PCDHGA8: variants seen among roughly 807,000 people sequenced by gnomAD.
The protein encoded by PCDHGA8 is protocadherin gamma-A8.
PCDHGA8 carries 45 observed loss-of-function variants against 59.2 expected under a neutral mutation model. The observed-to-expected ratio is 0.76, with a 90% CI of 0.60 to 0.98. The LOEUF is 0.98. Among genes scored for constraint, PCDHGA8 ranks in the 50% least tolerant of loss-of-function variants. The pLI is 0.00. For synonymous variants in PCDHGA8, 531 were observed against 519.0 expected, an observed-to-expected ratio of 1.02 and a Z score of -0.32; for missense variants, 1,257 against 1,196.2, an observed-to-expected ratio of 1.05 and a Z score of -0.75.
At position 141,490,108 on chromosome 5, in the gene PCDHGA8, C is replaced by T. The variant is rs566655929; in HGVS notation, c.2425-4699C>T. 1.4e-5 allele frequency: 22 copies of T among 1,614,244 alleles called. No individual in the cohort carries two copies. Among genetic ancestry groups the T allele is most frequent in the South Asian group, 5.5e-5 (5 of 91,090 alleles). The stretch of plus-strand genomic sequence containing the variant: ...TGGAGACCACACATCTGAGGCAGTG[C>T]GGAACCTCTTTGGCCTAGACCCTAG... On this transcript the variant is annotated intron_variant, in intron 1 of 3. Coordinates refer to ENST00000398604, the MANE Select transcript of PCDHGA8 (RefSeq NM_032088.2). This position sits in a 1 kb window ranked among gnomAD's most constrained non-coding sequence, Gnocchi z 5.4.
intron 1 of PCDHGA8, chr5:141,417,121 G>C (rs2096086482): frequency 6.6e-6 from 1 of 152,110 alleles, no homozygotes; most frequent in Non-Finnish European, 1.5e-5. Context: ...GGACACCCTG[G>C]ATGATGGTAA....
intron 1 of PCDHGA8, chr5:141,398,921 C>A: frequency 6.2e-7 from 1 of 1,613,962 alleles, no homozygotes; most frequent in African/African-American, 1.3e-5. Flanking sequence ...TTGCAAGTGT[C>A]AGCCACTGAC....
At chr5:141,419,972 C>T (rs534128024) in intron 1 of PCDHGA8, 3 of 1,613,948 alleles carry the variant, frequency 1.9e-6, no homozygotes, top group South Asian at 1.1e-5. Flanking sequence ...GCTCTTTCTC[C>T]TCGCGGTGAT....
chr5:141,410,781 T>C, intron 1 of PCDHGA8: 2 of 937,378 alleles, frequency 2.1e-6, no homozygotes, highest in Non-Finnish European at 1.5e-6. Flanking sequence ...TCACTATGTA[T>C]TTGGTTCATA....
rs953428261 is a variant in PCDHGA8, at chr5:141,430,262, T to C, written c.2424+35025T>C. On this transcript the variant is annotated intron_variant, in intron 1 of 3. Coordinates refer to ENST00000398604, the MANE Select transcript of PCDHGA8 (RefSeq NM_032088.2). ...AACTCCTAGGGAGACATCTCCATAA[T>C]AGGTGTGTTGGGGGAACAGTAATCT... Among the ~76,000 whole-genome samples the C allele has an allele frequency of 2.6e-5, 4 of 151,892 alleles. No homozygotes were observed. The East Asian group carries it at 5.8e-4, about 22-fold the overall frequency.
Position 141,491,795 on chromosome 5 carries a change from C to T in PCDHGA8, c.2425-3012C>T. On this transcript the variant is annotated intron_variant, in intron 1 of 3. Coordinates refer to ENST00000398604, the MANE Select transcript of PCDHGA8 (RefSeq NM_032088.2). This position sits in a 1 kb window ranked among gnomAD's most constrained non-coding sequence, Gnocchi z 6.9. ...GGATTGAACTTGCATCCACTCCTCT[C>T]CGGCCGGCTTGGTCGCTGGCTGCGC... 6 of 1,511,694 alleles carry T rather than the reference C, an allele frequency of 4.0e-6. No individual in the cohort carries two copies. Among genetic ancestry groups the T allele is most frequent in the Non-Finnish European group, 5.3e-6 (6 of 1,130,430 alleles). 93.6% of individuals were successfully genotyped at this position (1,511,694 alleles called of 1,614,324 possible).
chr5:141,414,415 C>A (rs769791452), intron 1 of PCDHGA8: 1 of 1,613,876 alleles, frequency 6.2e-7, no homozygotes, highest in Admixed American at 1.7e-5. Context: ...ACACAGAGCC[C>A]TTGACAGGGA....
intron 1 of PCDHGA8, chr5:141,410,849 CTTTTTTTT>C (rs759346998): frequency 2.0e-4 from 27 of 138,178 alleles, no homozygotes; most frequent in Middle Eastern, 4.3e-3. Context: ...TTGTCTTTGT[CTTTTTTTT>C]TTTTTTTTTT....
At chr5:141,423,754 GGGGGGGT>G in intron 1 of PCDHGA8, 1 of 577,826 alleles carries the variant, frequency 1.7e-6, no homozygotes, top group Non-Finnish European at 2.2e-6. Flanking sequence ...ACTGTTTGGG[GGGGGGGT>G]GGGGCGGCAT....
At chr5:141,444,692 T>G (rs531452351) in intron 1 of PCDHGA8, among the ~76,000 whole-genome samples, 1 of 152,360 alleles carries the variant, frequency 6.6e-6, no homozygotes, top group South Asian at 2.1e-4. Context: ...TTAAAAATAT[T>G]TTCCTCTTTC....
At chr5:141,505,323 G>C in intron 2 of PCDHGA8, 70 bp from the exon 3 acceptor site, 1 of 1,606,758 alleles carries the variant, frequency 6.2e-7, no homozygotes, top group South Asian at 1.1e-5. Flanking sequence ...GGGAGCCCTG[G>C]GAGAGGACAG....
Position 141,477,311 on chromosome 5 carries a change from C to G in PCDHGA8, c.2425-17496C>G. 6.2e-7 allele frequency: 1 copy of G among 1,614,186 alleles called. No individual in the cohort carries two copies. The highest frequency in any genetic ancestry group is 8.5e-7 in the Non-Finnish European group (1 of 1,180,032). ...AGTTCCACCGGGTCTCCCTTTCAGC[C>G]TTACTTCTTCCCTCAAGAATTACTT... On this transcript the variant is annotated intron_variant, in intron 1 of 3. Coordinates refer to ENST00000398604, the MANE Select transcript of PCDHGA8 (RefSeq NM_032088.2). The surrounding 1 kb of genome is among the most constrained non-coding windows in gnomAD (Gnocchi z 4.9).
At chr5:141,498,679 C>T (rs1454800332) in intron 2 of PCDHGA8, among the ~76,000 whole-genome samples, 1 of 152,170 alleles carries the variant, frequency 6.6e-6, no homozygotes, top group African/African-American at 2.4e-5. Flanking sequence ...CGCCTGTAAT[C>T]CCAGCACTTT....
chr5:141,448,983 T>G (rs1157371020), intron 1 of PCDHGA8, among the ~76,000 whole-genome samples: 1 of 152,004 alleles, frequency 6.6e-6, no homozygotes, highest in East Asian at 1.9e-4. Flanking sequence ...ACTTCCATAT[T>G]AATATATAGA....
At chr5:141,405,556 C>G in intron 1 of PCDHGA8, 1 of 619,826 alleles carries the variant, frequency 1.6e-6, no homozygotes, top group African/African-American at 1.8e-5. Flanking sequence ...AGTAGAGTAG[C>G]TGGGACTAGA....
rs752744809 is a variant in PCDHGA8, at chr5:141,393,680, T to C, written c.867T>C (p.Thr289=). The change falls in exon 1 of 4, where the codon ACT becomes ACC. Residue 289 remains threonine, a synonymous_variant. Coordinates refer to ENST00000398604, the MANE Select transcript of PCDHGA8 (RefSeq NM_032088.2). The stretch of plus-strand genomic sequence containing the variant: ...TCCGGAAAATTAATGAAAAACAAAC[T>C]CCGTTATTCCAGCTTAATGAAAATA... ...YKFRKINEKQ[T]PLFQLNENTG... 8 of 1,613,764 alleles carry C rather than the reference T, an allele frequency of 5.0e-6. No individual in the cohort carries two copies. The East Asian group carries it at 1.1e-4, about 22-fold the overall frequency.
In PCDHGA8 at chr5:141,491,533, C is replaced by G. The variant is rs758270791; in HGVS notation, c.2425-3274C>G. 4.3e-6 allele frequency: 7 copies of G among 1,614,010 alleles called. No homozygotes were observed. The highest frequency in any genetic ancestry group is 5.1e-6 in the Non-Finnish European group (6 of 1,180,028). ...GCTCAAGTACATGGAGGTGACGCTGCGGCCCACAGACTCGCAGAGCCACTG... is the reference window on the plus strand; with the variant it reads ...GCTCAAGTACATGGAGGTGACGCTGGGGCCCACAGACTCGCAGAGCCACTG... On this transcript the variant is annotated intron_variant, in intron 1 of 3. Transcript: ENST00000398604. The surrounding 1 kb of genome is among the most constrained non-coding windows in gnomAD (Gnocchi z 6.9).
At chr5:141,419,385 C>T (rs753470433) in intron 1 of PCDHGA8, 6 of 1,613,686 alleles carry the variant, frequency 3.7e-6, no homozygotes, top group Admixed American at 1.7e-5. Context: ...TCCGTGAGCG[C>T]GCAGAGCGGG....
In PCDHGA8 at chr5:141,477,967, C is replaced by A; in HGVS notation, c.2425-16840C>A. The A allele has an allele frequency of 6.2e-7, 1 of 1,614,150 alleles. No individual in the cohort carries two copies. Among genetic ancestry groups the A allele is most frequent in the Non-Finnish European group, 8.5e-7 (1 of 1,180,032 alleles). On this transcript the variant is annotated intron_variant, in intron 1 of 3. Transcript: ENST00000398604. The surrounding 1 kb of genome is among the most constrained non-coding windows in gnomAD (Gnocchi z 4.9). ...GTCTCTTGGGATCCCCTAACCAGAG[C>A]CTTTTTGCCATAGGGCTGCACACTG...
Sources: allele counts gnomAD v4.1 joint callset (sites outside exome capture counted in the v4.1 genomes callset), GRCh38; gene constraint gnomAD v4.1.1; non-coding constraint Gnocchi (gnomAD v3.1); transcripts MANE v1.5; gene names NCBI Gene and HGNC (gene_info 2026-07-23, HGNC 2026-07-21).